The following GDF10 variants were observed in gnomAD, a reference collection of about 807,000 sequenced individuals.
GDF10 encodes growth differentiation factor 10, also known as growth/differentiation factor 10.
In GDF10, 23 loss-of-function variants were observed where a neutral mutation model predicts 32.1. The observed-to-expected ratio is 0.72, with a 90% confidence interval of 0.52 to 1.02. The LOEUF is 1.02. Ranked by LOEUF, GDF10 falls within the 50% of genes least tolerant of loss-of-function variation. GDF10 has a pLI of 0.00. For synonymous variants in GDF10, 328 were observed against 303.1 expected, an observed-to-expected ratio of 1.08 and a Z score of -0.85; for missense variants, 764 against 673.9, an observed-to-expected ratio of 1.13 and a Z score of -1.48.
Position 47,300,733 on chromosome 10 carries a change from C to T in GDF10, c.82C>T (p.Leu28Phe). Reference protein sequence around the residue: ...LLLLPLFLLLLRDVAGSHRAP... With the variant: ...LLLLPLFLLLFRDVAGSHRAP... ...GCTGCTGCCGTTGTTTCTGCTGTTG[C>T]TCCGGGATGTGGCCGGCAGCCACAG... is the stretch of plus-strand genomic sequence containing the variant. Residue 28 changes from leucine (L) to phenylalanine (F), a missense_variant, in exon 1 of 3, where the codon CTC becomes TTC. Physicochemically the swap from Leu to Phe is conservative, Grantham distance 22. Coordinates refer to ENST00000580279, the MANE Select transcript of GDF10 (RefSeq NM_004962.5). The T allele has an allele frequency of 1.3e-6, 2 of 1,575,890 alleles. No individual in the cohort carries two copies. Among genetic ancestry groups the T allele is most frequent in the Non-Finnish European group, 1.7e-6 (2 of 1,164,698 alleles).
chr10:47,302,243 A>G (rs2061007301), intron 1 of GDF10, among the ~76,000 whole-genome samples: 1 of 152,248 alleles, frequency 6.6e-6, no homozygotes, highest in Admixed American at 6.5e-5. Flanking sequence ...TAAAATGGGC[A>G]AGGCTTGCCA....
In GDF10 at chr10:47,310,136, C is replaced by A; in HGVS notation, c.660C>A (p.Leu220=). Residue 220 remains leucine, a synonymous_variant, in exon 2 of 3, where the codon CTC becomes CTA. Coordinates refer to ENST00000580279, the MANE Select transcript of GDF10 (RefSeq NM_004962.5). The part of the protein sequence containing the change: ...VKAARRDGEL[L]LSAQLDSEER... ...CGGCCCGCCGGGATGGCGAGCTGCTCCTCTCCGCCCAGCTGGATTCTGAGG... is the reference window on the plus strand; with the variant it reads ...CGGCCCGCCGGGATGGCGAGCTGCTACTCTCCGCCCAGCTGGATTCTGAGG... 2 of 1,611,570 alleles carry A rather than the reference C, an allele frequency of 1.2e-6. No homozygotes were observed. Among genetic ancestry groups the A allele is most frequent in the Non-Finnish European group, 1.7e-6 (2 of 1,179,414 alleles).
chr10:47,305,264 G>A (rs1246470833), intron 1 of GDF10, among the ~76,000 whole-genome samples: 4 of 152,198 alleles, frequency 2.6e-5, no homozygotes, highest in Admixed American at 6.5e-5. Context: ...CCCTTGCTGG[G>A]TGCCAGGCAC....
Position 47,300,982 on chromosome 10 carries a change from G to A in GDF10, c.319+12G>A. On this transcript the variant is annotated intron_variant, in intron 1 of 2. Transcript: ENST00000580279. Reference sequence around the variant, plus strand: ...CAGGGCCAGGCTGGGTAAGTAGAGGGTGCCCCAGGACCCCTTCTCCTCATT... The same window carrying A: ...CAGGGCCAGGCTGGGTAAGTAGAGGATGCCCCAGGACCCCTTCTCCTCATT... 2 of 1,454,472 alleles carry A rather than the reference G, an allele frequency of 1.4e-6. No homozygotes were observed. The highest frequency in any genetic ancestry group is 1.4e-5 in the South Asian group (1 of 70,382). The allele number at this position is 1,454,472 out of a possible 1,614,324, so 90.1% of individuals were successfully genotyped here.
At chr10:47,303,886 C>T (rs1555207017) in intron 1 of GDF10, among the ~76,000 whole-genome samples, 1 of 152,230 alleles carries the variant, frequency 6.6e-6, no homozygotes, top group East Asian at 1.9e-4. Context: ...CTAAGCACTT[C>T]GTTTGGTAGC....
chr10:47,312,548 G>A (rs1565749951), intron 2 of GDF10, 53 bp from the exon 3 acceptor site: 18 of 1,190,720 alleles, frequency 1.5e-5, no homozygotes, highest in Middle Eastern at 2.2e-4. Flanking sequence ...GCATGGGTGC[G>A]TGGGTGGGTG....
chr10:47,310,357 C>A lies in GDF10; in HGVS notation c.881C>A (p.Ala294Asp). ...ADPRVRRAAQ[A>D]TGPLQDNELP... The stretch of plus-strand genomic sequence containing the variant: ...CCCCGCGTGCGCCGAGCCGCGCAGG[C>A]CACTGGGCCCCTCCAGGACAACGAG... The change falls in exon 2 of 3, where the codon GCC becomes GAC. Residue 294 changes from alanine to aspartate, a missense_variant. By Grantham distance (126) the Ala-to-Asp change is moderately radical. Transcript: ENST00000580279. The A allele has an allele frequency of 6.2e-7, 1 of 1,606,590 alleles. No individual in the cohort carries two copies. The highest frequency in any genetic ancestry group is 8.5e-7 in the Non-Finnish European group (1 of 1,177,394).
In GDF10 at chr10:47,310,602, T is replaced by C; in HGVS notation, c.1126T>C (p.Cys376Arg). 1 of 1,614,114 alleles carries C rather than the reference T, an allele frequency of 6.2e-7. No homozygotes were observed. The highest frequency in any genetic ancestry group is 8.5e-7 in the Non-Finnish European group (1 of 1,179,950). ...RRKQWDEPRV[C>R]SRRYLKVDFA... ...GAAGCAGTGGGATGAGCCGAGGGTG[T>C]GCTCCCGGAGGTACCTGAAGGTGGA... Residue 376 changes from cysteine (C) to arginine (R), a missense_variant, in exon 2 of 3, where the codon TGC (cysteine) becomes CGC (arginine). Physicochemically the swap from Cys to Arg is radical, Grantham distance 180. Coordinates refer to ENST00000580279, the MANE Select transcript of GDF10 (RefSeq NM_004962.5).
chr10:47,310,045 C>T lies in GDF10; in HGVS notation c.569C>T (p.Ala190Val), dbSNP rs782349772. ...GCCACACAGGGGCTACTCCGCGGGG[C>T]CATGGCCCTGGCGCCCCCACCGCGC... is the stretch of plus-strand genomic sequence containing the variant. The part of the protein sequence containing the change: ...NTATQGLLRG[A>V]MALAPPPRGL... Residue 190 changes from alanine (A) to valine (V), a missense_variant, in exon 2 of 3, where the codon GCC becomes GTC. Ala to Val is a moderately conservative substitution (Grantham distance 64). Transcript: ENST00000580279. The T allele has an allele frequency of 6.9e-6, 11 of 1,605,138 alleles. No individual in the cohort carries two copies. The East Asian group carries it at 2.5e-4, about 36-fold the overall frequency.
Position 47,300,593 on chromosome 10 carries a change from T to A in GDF10, c.-59T>A. The A allele has an allele frequency of 6.8e-7, 1 of 1,477,146 alleles. No homozygotes were observed. Among genetic ancestry groups the A allele is most frequent in the Non-Finnish European group, 9.1e-7 (1 of 1,101,738 alleles). The allele number at this position is 1,477,146 out of a possible 1,614,324, so 91.5% of individuals were successfully genotyped here. A position where few individuals can be genotyped will look rare whatever the true frequency, so the allele number is the denominator to read the frequency against. On this transcript the variant is annotated 5_prime_UTR_variant, in exon 1 of 3. Transcript: ENST00000580279. ...CGCGAGGTCAGTCCGCAGCCTCCGG[T>A]GCGCCAGCGCTCGCCTTCCTCCTCC...
In GDF10 at chr10:47,308,314, T is replaced by G. The variant is rs1308940764; in HGVS notation, c.320-1482T>G. 2.0e-5 allele frequency among the ~76,000 whole-genome samples: 3 copies of G among 152,158 alleles called. No individual in the cohort carries two copies. The East Asian group carries it at 5.8e-4, about 29-fold the overall frequency. On this transcript the variant is annotated intron_variant, in intron 1 of 2. Coordinates refer to ENST00000580279, the MANE Select transcript of GDF10 (RefSeq NM_004962.5). ...GTGCATTGAGACCCTGGGCTGCTGC[T>G]TATGTGTGGAGCATGTTGAGGGGCT...
rs782271389 is a variant in GDF10 at position 47,300,663 on chromosome 10, C to A, written c.12C>A (p.Val4=). 7 of 1,599,270 alleles carry A rather than the reference C, an allele frequency of 4.4e-6. No homozygotes were observed. Among genetic ancestry groups the A allele is most frequent in the East Asian group, 2.3e-5 (1 of 43,640 alleles). The change falls in exon 1 of 3, where the codon GTC becomes GTA. Residue 4 remains valine (V), a synonymous_variant. Transcript: ENST00000580279. ...GCCCTCACCACGCCATGGCTCATGT[C>A]CCCGCTCGGACCAGCCCGGGACCCG... is the stretch of plus-strand genomic sequence containing the variant. MAH[V]PARTSPGPGP... is the part of the protein sequence containing the mutation.
intron 1 of GDF10, among the ~76,000 whole-genome samples, chr10:47,301,484 G>A (rs869175213): frequency 3.1e-5 from 4 of 127,506 alleles, no homozygotes; most frequent in South Asian, 2.5e-4. Context: ...GGACTTCCAC[G>A]GACTGGCATG....
chr10:47,300,955 T>C lies in GDF10; in HGVS notation c.304T>C (p.Phe102Leu). The C allele has an allele frequency of 6.6e-7, 1 of 1,505,282 alleles. No individual in the cohort carries two copies. Among genetic ancestry groups the C allele is most frequent in the East Asian group, 2.5e-5 (1 of 39,550 alleles). 93.2% of individuals were successfully genotyped at this position (1,505,282 alleles called of 1,614,324 possible). ...GGGAGGGGGCAACACGGTCCGCAGC[T>C]TCAGGGCCAGGCTGGGTAAGTAGAG... ...RPGGGNTVRS[F>L]RARLEVVDQK... The change falls in exon 1 of 3, where the codon TTC becomes CTC. Residue 102 changes from phenylalanine to leucine, a missense_variant. Phe to Leu is a conservative substitution (Grantham distance 22). Coordinates refer to ENST00000580279, the MANE Select transcript of GDF10 (RefSeq NM_004962.5).
intron 1 of GDF10, among the ~76,000 whole-genome samples, chr10:47,304,654 T>C (rs945337844): frequency 6.6e-6 from 1 of 152,208 alleles, no homozygotes; most frequent in African/African-American, 2.4e-5. Context: ...CCCTTATATG[T>C]AAGATATATA....
rs757038786 is a variant in GDF10, at chr10:47,300,716, C to T, written c.65C>T (p.Pro22Leu). 5 of 1,591,044 alleles carry T rather than the reference C, an allele frequency of 3.1e-6. No individual in the cohort carries two copies. Among genetic ancestry groups the T allele is most frequent in the South Asian group, 2.2e-5 (2 of 89,220 alleles). Reference protein sequence around the residue: ...PGPQLLLLLLPLFLLLLRDVA... With the variant: ...PGPQLLLLLLLLFLLLLRDVA... ...CCCCAGCTGCTGCTGCTGCTGCTGC[C>T]GTTGTTTCTGCTGTTGCTCCGGGAT... Residue 22 changes from proline (P) to leucine (L), a missense_variant, in exon 1 of 3, where the codon CCG becomes CTG. Physicochemically the swap from Pro to Leu is moderately conservative, Grantham distance 98 (BLOSUM62 -3). Coordinates refer to ENST00000580279, the MANE Select transcript of GDF10 (RefSeq NM_004962.5).
At chr10:47,306,284 T>C (rs1388763365) in intron 1 of GDF10, among the ~76,000 whole-genome samples, 1 of 152,260 alleles carries the variant, frequency 6.6e-6, no homozygotes, top group Non-Finnish European at 1.5e-5. Context: ...GAAGTCTGGC[T>C]AAACACCTGG....
Position 47,313,369 on chromosome 10 carries a change from G to A in GDF10, c.*577G>A, listed in dbSNP as rs9860. ...TTTTAAAACAACAAAAAGGGAGGGCGTTGACACCATTCCCCACAGAGATAG... is the reference window on the plus strand; with the variant it reads ...TTTTAAAACAACAAAAAGGGAGGGCATTGACACCATTCCCCACAGAGATAG... On this transcript the variant is annotated 3_prime_UTR_variant, in exon 3 of 3. Transcript: ENST00000580279. 32,766 of 152,256 alleles carry A rather than the reference G, an allele frequency of 0.22. 3,655 individuals carry two copies. The highest frequency in any genetic ancestry group is 0.34 in the East Asian group (1,742 of 5,176). 9.4% of individuals were successfully genotyped at this position (152,256 alleles called of 1,614,324 possible).
In GDF10 at chr10:47,310,010, G is replaced by T. The variant is rs797039236; in HGVS notation, c.534G>T (p.Ser178=). 3 of 1,609,244 alleles carry T rather than the reference G, an allele frequency of 1.9e-6. No individual in the cohort carries two copies. Among genetic ancestry groups the T allele is most frequent in the South Asian group, 1.1e-5 (1 of 90,758 alleles). Residue 178 remains serine, a synonymous_variant, in exon 2 of 3, where the codon TCG becomes TCT. Transcript: ENST00000580279. ...AGCACCTGCTCTTCCGCAGCCTCTC[G>T]CAGAACACGGCCACACAGGGGCTAC... ...TRQHLLFRSL[S]QNTATQGLLR...
Sources: allele counts gnomAD v4.1 joint callset (sites outside exome capture counted in the v4.1 genomes callset), GRCh38; gene constraint gnomAD v4.1.1; transcripts MANE v1.5; gene names NCBI Gene and HGNC (gene_info 2026-07-23, HGNC 2026-07-21).